ATG7: variants seen among roughly 807,000 people sequenced by gnomAD.
ATG7 encodes ubiquitin-like modifier-activating enzyme ATG7.
A neutral mutation model predicts 82.4 loss-of-function variants in ATG7; 70 were observed. That is an observed-to-expected ratio of 0.85 (90% confidence interval 0.70 to 1.04). The LOEUF is 1.04. ATG7 is among the 50% of genes least tolerant of loss of function. ATG7 has a pLI of 0.00. For missense variants in ATG7, 792 were observed against 864.3 expected, an observed-to-expected ratio of 0.92 and a Z score of 1.05; for synonymous variants, 287 against 313.0, an observed-to-expected ratio of 0.92 and a Z score of 0.88.
intron 20 of ATG7, among the ~76,000 whole-genome samples, chr3:11,439,630 AGTGGGT>A (rs2083692496): frequency 6.6e-6 from 1 of 152,172 alleles, no homozygotes; most frequent in Non-Finnish European, 1.5e-5. Context: ...ACTGCAAGGC[AGTGGGT>A]GTGCACGTGG....
intron 20 of ATG7, among the ~76,000 whole-genome samples, chr3:11,524,805 CAA>C (rs199851494): frequency 3.3e-5 from 5 of 149,958 alleles, no homozygotes; most frequent in African/African-American, 1.2e-4. Flanking sequence ...AAAACAAAAA[CAA>C]AAAAAAACAA....
In ATG7 at chr3:11,484,366, C is replaced by T. The variant is rs547399956; in HGVS notation, c.2079+57440C>T. On this transcript the variant is annotated intron_variant, in intron 20 of 20. Coordinates refer to ENST00000693202, the MANE Select transcript of ATG7 (RefSeq NM_001349232.2). ...CCAAAATCATGCCACTGTACTCTAGCCCGGATGACAGGAGACTCCGTCTCA... is the reference window on the plus strand; with the variant it reads ...CCAAAATCATGCCACTGTACTCTAGTCCGGATGACAGGAGACTCCGTCTCA... Among the ~76,000 whole-genome samples the T allele has an allele frequency of 1.6e-4, 24 of 152,258 alleles. No individual in the cohort carries two copies. In the South Asian group the frequency reaches 4.8e-3, roughly 30 times the overall value.
intron 20 of ATG7, among the ~76,000 whole-genome samples, chr3:11,444,886 A>T (rs989205534): frequency 6.6e-6 from 1 of 152,248 alleles, no homozygotes; most frequent in African/African-American, 2.4e-5. Context: ...CCCATTAAAA[A>T]GTGGGCAAAG....
At chr3:11,573,269 A>G in the ATG7 span, among the ~76,000 whole-genome samples, 704 of 9,538 alleles carry the variant, frequency 0.074, 57 homozygotes, top group African/African-American at 0.32. Context: ...GAAAGAAAGA[A>G]AGAAAGAAAG....
chr3:11,473,650 A>T (rs2153019918), intron 20 of ATG7, among the ~76,000 whole-genome samples: 1 of 152,330 alleles, frequency 6.6e-6, no homozygotes, highest in East Asian at 1.9e-4. Flanking sequence ...AGTGAATTTA[A>T]GATAGAGTCA....
At chr3:11,551,500 C>T (rs1018480106) in intron 20 of ATG7, among the ~76,000 whole-genome samples, 6 of 152,182 alleles carry the variant, frequency 3.9e-5, no homozygotes, top group Non-Finnish European at 7.3e-5. Context: ...CTAGGACTGT[C>T]GCAGCTGTTT....
the ATG7 span, among the ~76,000 whole-genome samples, chr3:11,572,814 A>G: frequency 1.3e-5 from 2 of 152,202 alleles, no homozygotes; most frequent in East Asian, 1.9e-4. Flanking sequence ...ACACCACTGC[A>G]TATGTACCCG....
chr3:11,492,583 G>T (rs1454563565), intron 20 of ATG7, among the ~76,000 whole-genome samples: 2 of 152,366 alleles, frequency 1.3e-5, no homozygotes, highest in Admixed American at 6.5e-5. Flanking sequence ...TCGCGGGAGG[G>T]AGCACGTGAA....
chr3:11,453,269 C>G (rs961103318), intron 20 of ATG7, among the ~76,000 whole-genome samples: 12 of 152,176 alleles, frequency 7.9e-5, no homozygotes, highest in African/African-American at 2.9e-4. Flanking sequence ...AAGGCCTGTC[C>G]CCAAGCTTTA....
intron 20 of ATG7, among the ~76,000 whole-genome samples, chr3:11,449,973 T>C (rs1158750471): frequency 6.6e-6 from 1 of 152,214 alleles, no homozygotes; most frequent in Admixed American, 6.5e-5. Context: ...AATAAACTAG[T>C]CTCTCTGTAC....
At chr3:11,573,259 GAAAGAA>G in the ATG7 span, among the ~76,000 whole-genome samples, 3 of 10,760 alleles carry the variant, frequency 2.8e-4, 1 homozygote, top group Non-Finnish European at 4.2e-4. Context: ...AAGAAAGAAA[GAAAGAA>G]AGAAAGAAAG....
downstream of ATG7, among the ~76,000 whole-genome samples, chr3:11,561,370 A>G (rs995448098): frequency 1.3e-5 from 2 of 152,154 alleles, no homozygotes; most frequent in Non-Finnish European, 2.9e-5. Flanking sequence ...AGGCTGGCTG[A>G]CTGGTATCAG....
chr3:11,457,095 A>G (rs2085809235), intron 20 of ATG7, among the ~76,000 whole-genome samples: 1 of 152,224 alleles, frequency 6.6e-6, no homozygotes, highest in Non-Finnish European at 1.5e-5. Context: ...AGAAGCCGTT[A>G]AAAGGAAATT....
chr3:11,535,308 G>A (rs911022871), intron 20 of ATG7, among the ~76,000 whole-genome samples: 2 of 152,224 alleles, frequency 1.3e-5, no homozygotes, highest in Admixed American at 1.3e-4. Flanking sequence ...TGGCTGGACT[G>A]AAGGCTCTCA....
chr3:11,573,205 GAAGA>G, the ATG7 span, among the ~76,000 whole-genome samples: 1 of 145,550 alleles, frequency 6.9e-6, no homozygotes, highest in Non-Finnish European at 1.5e-5. Flanking sequence ...AGAAAGAAAA[GAAGA>G]GAGAGAGAGA....
chr3:11,372,851 C>CGTGT (rs10666472), intron 18 of ATG7, among the ~76,000 whole-genome samples: 34,100 of 83,186 alleles, frequency 0.41, 5,155 homozygotes, highest in South Asian at 0.56. Context: ...CGTGCGTGTG[C>CGTGT]GTGTGTGTGT....
At chr3:11,440,674 C>CATTTTTTTTTTTTT (rs769737485) in intron 20 of ATG7, among the ~76,000 whole-genome samples, 6 of 39,480 alleles carry the variant, frequency 1.5e-4, no homozygotes, top group African/African-American at 6.5e-4. Flanking sequence ...TCCCCATTTG[C>CATTTTTTTTTTTTT]TTTTTTTTTT....
intron 18 of ATG7, 112 bp downstream of exon 18, chr3:11,364,846 G>A: frequency 8.9e-7 from 1 of 1,124,342 alleles, no homozygotes; most frequent in East Asian, 2.4e-5. Flanking sequence ...TACTTACCCT[G>A]CAGCTGGGAT....
chr3:11,462,094 T>TATC (rs1307998158), intron 20 of ATG7, among the ~76,000 whole-genome samples: 3 of 151,900 alleles, frequency 2.0e-5, no homozygotes, highest in African/African-American at 7.3e-5. Flanking sequence ...AACTCGAGGA[T>TATC]ATCTGGTCAT....
Sources: gnomAD v4.1 joint callset for allele counts (sites outside exome capture counted in the v4.1 genomes callset) on GRCh38, gnomAD v4.1.1 for gene constraint, MANE v1.5 for transcripts, NCBI Gene and HGNC (gene_info 2026-07-23, HGNC 2026-07-21) for gene names.